Variants in LRRTM4 observed in about 807,000 individuals in gnomAD.
LRRTM4 encodes the protein leucine-rich repeat transmembrane neuronal protein 4.
LRRTM4 carries 25 observed loss-of-function variants against 47.6 expected under a neutral mutation model. The observed-to-expected ratio is 0.53, with a 90% confidence interval of 0.38 to 0.73. LRRTM4 has a LOEUF of 0.73. Among genes scored for constraint, LRRTM4 ranks in the 30% least tolerant of loss-of-function variants. The pLI is 0.00. For missense variants in LRRTM4, 638 were observed against 713.4 expected (o/e 0.89, Z 1.20); for synonymous variants, 311 against 269.5 (o/e 1.15, Z -1.51).
At chr2:77,241,405 C>T (rs1008831971) in intron 3 of LRRTM4, among the ~76,000 whole-genome samples, 32 of 152,082 alleles carry the variant, frequency 2.1e-4, no homozygotes, top group Admixed American at 5.2e-4. Context: ...TCTATGTAAA[C>T]ATTTAGTTTA....
chr2:77,163,572 G>A (rs1672792564), intron 3 of LRRTM4, among the ~76,000 whole-genome samples: 1 of 152,176 alleles, frequency 6.6e-6, no homozygotes, highest in Non-Finnish European at 1.5e-5. Flanking sequence ...AGGGCAGCCA[G>A]AGAAAAAGTT....
At chr2:77,265,248 T>C (rs1319099550) in intron 3 of LRRTM4, among the ~76,000 whole-genome samples, 1 of 152,152 alleles carries the variant, frequency 6.6e-6, no homozygotes, top group Admixed American at 6.6e-5. Context: ...TACACTAATA[T>C]GTTAGCTATG....
chr2:77,415,932 C>A (rs1674619231), intron 3 of LRRTM4, among the ~76,000 whole-genome samples: 1 of 152,050 alleles, frequency 6.6e-6, no homozygotes, highest in Middle Eastern at 3.4e-3. Flanking sequence ...GCTAACTTGC[C>A]AAATCCAAAC....
At chr2:77,332,496 T>C (rs1054243894) in intron 3 of LRRTM4, among the ~76,000 whole-genome samples, 7 of 152,114 alleles carry the variant, frequency 4.6e-5, no homozygotes, top group African/African-American at 1.7e-4. Context: ...AATATGAGAA[T>C]TGGTCATGAG....
At chr2:76,911,384 G>C (rs757404703) in intron 3 of LRRTM4, among the ~76,000 whole-genome samples, 23 of 152,164 alleles carry the variant, frequency 1.5e-4, no homozygotes, top group Non-Finnish European at 2.9e-4. Flanking sequence ...GGACAGCCAA[G>C]AACAGTTACT....
chr2:76,787,596 G>C (rs1014053792), intron 3 of LRRTM4, among the ~76,000 whole-genome samples: 1 of 151,590 alleles, frequency 6.6e-6, no homozygotes, highest in African/African-American at 2.4e-5. Context: ...TTAGTGTTTT[G>C]GTTAAATTGA....
intron 3 of LRRTM4, among the ~76,000 whole-genome samples, chr2:77,311,149 G>A (rs975763485): frequency 4.6e-5 from 7 of 152,176 alleles, no homozygotes; most frequent in Admixed American, 4.6e-4. Context: ...CATAATTCAT[G>A]TGTTTTTAAT....
chr2:76,851,761 T>G (rs1352042271), intron 3 of LRRTM4, among the ~76,000 whole-genome samples: 3 of 142,852 alleles, frequency 2.1e-5, no homozygotes, highest in African/African-American at 5.8e-5. Flanking sequence ...ATTCGTTTTT[T>G]TTTTTTTTTT....
intron 3 of LRRTM4, among the ~76,000 whole-genome samples, chr2:76,787,966 A>G (rs35359723): frequency 0.032 from 4,883 of 152,218 alleles, 112 homozygotes; most frequent in South Asian, 0.12. Context: ...TATGATATTA[A>G]TGATTTTTTA....
At chr2:76,950,167 G>A (rs999795583) in intron 3 of LRRTM4, among the ~76,000 whole-genome samples, 1 of 151,892 alleles carries the variant, frequency 6.6e-6, no homozygotes, top group East Asian at 1.9e-4. Flanking sequence ...ATTTCACTGG[G>A]AACTCAGTAA....
chr2:76,993,438 T>C (rs1332519473), intron 3 of LRRTM4, among the ~76,000 whole-genome samples: 2 of 151,798 alleles, frequency 1.3e-5, no homozygotes, highest in Non-Finnish European at 2.9e-5. Flanking sequence ...CATTAAAAAA[T>C]TGGCAATGAA....
chr2:77,086,634 T>A (rs1299055506), intron 3 of LRRTM4, among the ~76,000 whole-genome samples: 1 of 151,732 alleles, frequency 6.6e-6, no homozygotes, highest in Non-Finnish European at 1.5e-5. Flanking sequence ...CCCAGCACCA[T>A]GCCTGACTTT....
intron 3 of LRRTM4, among the ~76,000 whole-genome samples, chr2:76,886,140 C>T (rs1673069780): frequency 6.6e-6 from 1 of 152,034 alleles, no homozygotes; most frequent in African/African-American, 2.4e-5. Context: ...CAAAAACTGA[C>T]AAAATTGAGG....
At chr2:77,089,437 C>G (rs1680851173) in intron 3 of LRRTM4, among the ~76,000 whole-genome samples, 1 of 151,776 alleles carries the variant, frequency 6.6e-6, no homozygotes, top group South Asian at 2.1e-4. Context: ...GCGCCCCAAC[C>G]TCGTATCTCT....
At chr2:77,115,240 G>T (rs187920455) in intron 3 of LRRTM4, among the ~76,000 whole-genome samples, 2 of 152,100 alleles carry the variant, frequency 1.3e-5, no homozygotes, top group Non-Finnish European at 1.5e-5. Flanking sequence ...TATTCTGCTC[G>T]ACCCCGCAGG....
chr2:76,837,549 G>A (rs1465279171), intron 3 of LRRTM4, among the ~76,000 whole-genome samples: 1 of 151,988 alleles, frequency 6.6e-6, no homozygotes, highest in Admixed American at 6.6e-5. Flanking sequence ...ACACTGCTTT[G>A]AATGTGTCCC....
intron 3 of LRRTM4, among the ~76,000 whole-genome samples, chr2:76,979,711 T>C (rs899847583): frequency 6.6e-6 from 1 of 151,634 alleles, no homozygotes; most frequent in South Asian, 2.1e-4. Context: ...GATAGATAGA[T>C]AGATAGATAG....
chr2:77,442,975 T>A (rs2103933554), intron 3 of LRRTM4, among the ~76,000 whole-genome samples: 1 of 152,208 alleles, frequency 6.6e-6, no homozygotes, highest in Non-Finnish European at 1.5e-5. Context: ...GCCTGAAACA[T>A]AATAAGGCTC....
chr2:76,785,701 T>C (rs745868515), intron 3 of LRRTM4, among the ~76,000 whole-genome samples: 11 of 152,204 alleles, frequency 7.2e-5, no homozygotes, highest in Non-Finnish European at 1.3e-4. Context: ...CTCATATTTG[T>C]ATAATTAATA....
Sources: gnomAD v4.1 joint callset for allele counts (sites outside exome capture counted in the v4.1 genomes callset) on GRCh38, gnomAD v4.1.1 for gene constraint, MANE v1.5 for transcripts, NCBI Gene and HGNC (gene_info 2026-07-23, HGNC 2026-07-21) for gene names.